The following XPA variants were observed in gnomAD, a reference collection of about 807,000 sequenced individuals.
The protein encoded by XPA is DNA repair protein complementing XP-A cells.
XPA carries 27 observed loss-of-function variants against 35.7 expected under a neutral mutation model. The ratio of observed to expected loss-of-function variants is 0.76; its 90% CI spans 0.56 to 1.04. The LOEUF (loss-of-function observed/expected upper bound fraction) is 1.04, where lower values mean the gene tolerates loss of function less well. XPA is among the 50% of genes least tolerant of loss of function. The pLI is 0.00. For missense variants in XPA, 354 were observed against 342.7 expected, an observed-to-expected ratio of 1.03 and a Z score of -0.26; for synonymous variants, 133 against 118.4, an observed-to-expected ratio of 1.12 and a Z score of -0.80.
chr9:97,656,218 C>A, the XPA span: 2 of 761,112 alleles, frequency 2.6e-6, no homozygotes, highest in Non-Finnish European at 4.2e-6. Flanking sequence ...TTAATCAAGA[C>A]TTAGGCTAAG....
At chr9:97,656,864 T>C in the XPA span, among the ~76,000 whole-genome samples, 2 of 152,154 alleles carry the variant, frequency 1.3e-5, no homozygotes, top group African/African-American at 4.8e-5. Flanking sequence ...GATCAGAAAA[T>C]TAGCTGTGGT....
chr9:97,664,275 G>T, the XPA span: 2 of 983,294 alleles, frequency 2.0e-6, no homozygotes, highest in Non-Finnish European at 1.5e-6. Flanking sequence ...GCAGCAGTGT[G>T]GTGGCACATA....
chr9:97,678,695 G>T (rs1484727960), intron 5 of XPA, among the ~76,000 whole-genome samples: 1 of 152,164 alleles, frequency 6.6e-6, no homozygotes, highest in African/African-American at 2.4e-5. Flanking sequence ...TCAATGGATG[G>T]ACACTAAATC....
chr9:97,674,765 AAT>A (rs1214141791), downstream of XPA: 1 of 375,016 alleles, frequency 2.7e-6, no homozygotes, highest in African/African-American at 2.1e-5. Flanking sequence ...CACTACTTAA[AAT>A]AAACATCAGT....
the XPA span, chr9:97,663,062 A>AGAAG: frequency 3.8e-6 from 6 of 1,573,588 alleles, no homozygotes; most frequent in Non-Finnish European, 4.4e-6. Flanking sequence ...AAATTATTTA[A>AGAAG]TTAGACATGT....
At chr9:97,682,560 A>G (rs570373328) in intron 5 of XPA, 21 of 439,702 alleles carry the variant, frequency 4.8e-5, no homozygotes, top group African/African-American at 4.1e-4. Flanking sequence ...GCAGTAAAAC[A>G]TTTCTATTTA....
At chr9:97,686,886 G>C (rs1828733259) in intron 4 of XPA, among the ~76,000 whole-genome samples, 1 of 152,162 alleles carries the variant, frequency 6.6e-6, no homozygotes, top group African/African-American at 2.4e-5. Context: ...CTGAGTGACA[G>C]AGTGAGACCT....
At chr9:97,682,310 T>C (rs1828570641) in intron 5 of XPA, 2 of 518,820 alleles carry the variant, frequency 3.9e-6, no homozygotes, top group Admixed American at 1.9e-5. Context: ...GACTTGCTTT[T>C]ATTCCTCTCT....
At chr9:97,680,085 C>T (rs1828490730) in intron 5 of XPA, among the ~76,000 whole-genome samples, 1 of 152,080 alleles carries the variant, frequency 6.6e-6, no homozygotes, top group Admixed American at 6.5e-5. Flanking sequence ...CTGGATCCGA[C>T]AAAAAGCTGT....
chr9:97,684,894 C>A, intron 5 of XPA, 29 bp downstream of exon 5: 1 of 1,568,786 alleles, frequency 6.4e-7, no homozygotes. Flanking sequence ...AAAACACAAT[C>A]CTTCACGATA....
chr9:97,663,871 G>C, the XPA span, among the ~76,000 whole-genome samples: 1 of 151,718 alleles, frequency 6.6e-6, no homozygotes, highest in African/African-American at 2.4e-5. Context: ...GCAAAGGGGA[G>C]AATAAATCTT....
chr9:97,674,208 G>A (rs778299674), downstream of XPA, among the ~76,000 whole-genome samples: 13 of 151,478 alleles, frequency 8.6e-5, no homozygotes, highest in Non-Finnish European at 1.5e-4. Flanking sequence ...TTGTCATCAA[G>A]CTGAAAGCTT....
chr9:97,668,741 T>C, the XPA span: 1 of 1,290,298 alleles, frequency 7.8e-7, no homozygotes, highest in Admixed American at 2.8e-5. Context: ...CTATAGAATA[T>C]AAGTCTTAAC....
the XPA span, among the ~76,000 whole-genome samples, chr9:97,657,885 G>GCTCTCTCTCTCTCTCTCTCT: frequency 1.1e-4 from 13 of 114,010 alleles, no homozygotes; most frequent in African/African-American, 4.7e-4. Flanking sequence ...GCCCCGGTAA[G>GCTCTCTCTCTCTCTCTCTCT]CTCTCTCTCT....
Position 97,697,254 on chromosome 9 carries a change from A to C in XPA, c.39T>G (p.Ala13=). The C allele has an allele frequency of 6.3e-7, 1 of 1,599,936 alleles. No homozygotes were observed. The highest frequency in any genetic ancestry group is 8.5e-7 in the Non-Finnish European group (1 of 1,179,234). The change falls in exon 1 of 6, where the codon GCT becomes GCG. Residue 13 remains alanine (A), a synonymous_variant. Coordinates refer to ENST00000375128, the MANE Select transcript of XPA (RefSeq NM_000380.4). ...AADGALPEAA[A]LEQPAELPAS... ...CAGGCAGCTCCGCGGGTTGCTCTAA[A>C]GCCGCCGCCTCCGGCAAAGCCCCGT...
intron 3 of XPA, among the ~76,000 whole-genome samples, chr9:97,689,089 G>A (rs1248572940): frequency 6.6e-6 from 1 of 152,140 alleles, no homozygotes; most frequent in African/African-American, 2.4e-5. Context: ...CTCTCTATGA[G>A]GGTAGCAAAA....
chr9:97,683,983 C>T (rs1004765160), intron 5 of XPA, among the ~76,000 whole-genome samples: 5 of 152,172 alleles, frequency 3.3e-5, no homozygotes, highest in South Asian at 2.1e-4. Context: ...TGTGTTATCT[C>T]TACACACTGT....
Position 97,697,333 on chromosome 9 carries a change from C to G in XPA, c.-41G>C. Reference sequence around the variant, plus strand: ...AGGACCTAGCTCCCAGCTCCACGCACGCGCACTGCACGCCGAGGCGAGCCA... The same window carrying G: ...AGGACCTAGCTCCCAGCTCCACGCAGGCGCACTGCACGCCGAGGCGAGCCA... On this transcript the variant is annotated 5_prime_UTR_variant, in exon 1 of 6. Transcript: ENST00000375128. The G allele has an allele frequency of 6.3e-7, 1 of 1,595,262 alleles. No homozygotes were observed. The highest frequency in any genetic ancestry group is 8.5e-7 in the Non-Finnish European group (1 of 1,178,446).
At chr9:97,656,412 C>T in the XPA span, among the ~76,000 whole-genome samples, 1 of 152,192 alleles carries the variant, frequency 6.6e-6, no homozygotes, top group Admixed American at 6.5e-5. Flanking sequence ...GAAACCCCCT[C>T]TCTACTAAAA....
Sources: allele counts gnomAD v4.1 joint callset (sites outside exome capture counted in the v4.1 genomes callset), GRCh38; gene constraint gnomAD v4.1.1; transcripts MANE v1.5; gene names NCBI Gene and HGNC (gene_info 2026-07-23, HGNC 2026-07-21).